VEPH1: variants seen among roughly 807,000 people sequenced by gnomAD.
VEPH1 encodes the protein ventricular zone expressed PH domain containing 1.
In VEPH1, 80 loss-of-function variants were observed where a neutral mutation model predicts 85.2. That is an observed-to-expected ratio of 0.94 (90% CI 0.78 to 1.13). VEPH1 has a LOEUF of 1.13. Among genes scored for constraint, VEPH1 ranks in the 50% most tolerant of loss-of-function variants. The probability of loss-of-function intolerance (pLI) is 0.00; values close to 1 mark genes in which losing one functional copy is unlikely to be tolerated. For missense variants in VEPH1, 955 were observed against 980.5 expected, an observed-to-expected ratio of 0.97 and a Z score of 0.35; for synonymous variants, 297 against 348.0, an observed-to-expected ratio of 0.85 and a Z score of 1.63.
chr3:157,496,515 G>A (rs1739678228), intron 1 of VEPH1, among the ~76,000 whole-genome samples: 1 of 152,208 alleles, frequency 6.6e-6, no homozygotes, highest in Non-Finnish European at 1.5e-5. Context: ...ATACATGTGG[G>A]TAGCTTACAA....
At chr3:157,299,681 T>G (rs1718562269) in intron 11 of VEPH1, among the ~76,000 whole-genome samples, 1 of 123,864 alleles carries the variant, frequency 8.1e-6, no homozygotes, top group Non-Finnish European at 1.9e-5. Context: ...TGATAGATGC[T>G]GGGACATGCA....
chr3:157,337,769 G>A (rs1428356341), intron 9 of VEPH1, among the ~76,000 whole-genome samples: 1 of 152,160 alleles, frequency 6.6e-6, no homozygotes, highest in Non-Finnish European at 1.5e-5. Flanking sequence ...TATTATTGCA[G>A]TGGGCTAGCC....
At chr3:157,428,279 T>C (rs778170135) in intron 5 of VEPH1, 43 bp downstream of exon 5, 1 of 1,602,754 alleles carries the variant, frequency 6.2e-7, no homozygotes, top group Non-Finnish European at 8.5e-7. Flanking sequence ...CAAAGAAACA[T>C]GCCTGGTTGT....
At chr3:157,379,206 G>A (rs1009308726) in intron 7 of VEPH1, among the ~76,000 whole-genome samples, 6 of 152,154 alleles carry the variant, frequency 3.9e-5, no homozygotes, top group Non-Finnish European at 8.8e-5. Context: ...ATCTGCCTCT[G>A]ACCTAACTTT....
chr3:157,442,286 T>C (rs1164783639), intron 4 of VEPH1: 4 of 1,264,104 alleles, frequency 3.2e-6, no homozygotes, highest in African/African-American at 3.0e-5. Flanking sequence ...AAAATTCTTA[T>C]GTTAAATAAC....
intron 7 of VEPH1, among the ~76,000 whole-genome samples, chr3:157,366,757 CAAA>C (rs928731426): frequency 6.6e-6 from 1 of 151,976 alleles, no homozygotes; most frequent in African/African-American, 2.4e-5. Context: ...ACAACAACAA[CAAA>C]AACAAACAAC....
At chr3:157,271,097 T>G (rs1577198639) in intron 12 of VEPH1, among the ~76,000 whole-genome samples, 1 of 152,082 alleles carries the variant, frequency 6.6e-6, no homozygotes, top group East Asian at 1.9e-4. Flanking sequence ...GTAAAGCAGG[T>G]GCTCTCGAAC....
At position 157,288,676 on chromosome 3, in the gene VEPH1, G is replaced by A. The variant is rs575196086; in HGVS notation, c.2011-2002C>T. ...ACTCCCTGGAACATAAACACAATGA[G>A]GACAGATATTTTGTCTGTTGTGTTG... is the stretch of plus-strand genomic sequence containing the variant. On this transcript the variant is annotated intron_variant, in intron 11 of 13. Transcript: ENST00000362010. Among the ~76,000 whole-genome samples the A allele has an allele frequency of 3.3e-5, 5 of 152,298 alleles. No homozygotes were observed. The East Asian group carries it at 9.6e-4, about 29-fold the overall frequency.
chr3:157,491,290 G>A (rs913935526), intron 2 of VEPH1, among the ~76,000 whole-genome samples: 3 of 152,102 alleles, frequency 2.0e-5, no homozygotes, highest in South Asian at 2.1e-4. Flanking sequence ...CGGGTGGATC[G>A]GTTGGGCATG....
chr3:157,342,227 T>A lies in VEPH1; in HGVS notation c.1735+21137A>T, dbSNP rs558202101. 8.8e-4 allele frequency among the ~76,000 whole-genome samples: 134 copies of A among 152,298 alleles called. 1 individual carries two copies. The highest frequency in any genetic ancestry group is 7.7e-4 in the East Asian group (4 of 5,186). On this transcript the variant is annotated intron_variant, in intron 9 of 13. Coordinates refer to ENST00000362010, the MANE Select transcript of VEPH1 (RefSeq NM_001167912.2). ...AATGTTCCAATTAAAAGACACAGACTGGCAAATTGGATAAAGAGTCAAGAC... is the reference window on the plus strand; with the variant it reads ...AATGTTCCAATTAAAAGACACAGACAGGCAAATTGGATAAAGAGTCAAGAC...
intron 9 of VEPH1, among the ~76,000 whole-genome samples, chr3:157,329,405 C>T (rs1242076120): frequency 6.6e-6 from 1 of 152,176 alleles, no homozygotes; most frequent in Non-Finnish European, 1.5e-5. Context: ...GCCATGGAAA[C>T]CAGAACATCT....
intron 7 of VEPH1, among the ~76,000 whole-genome samples, chr3:157,379,240 GAAC>G (rs1728486729): frequency 6.6e-6 from 1 of 152,056 alleles, no homozygotes; most frequent in South Asian, 2.1e-4. Context: ...CTGCCCTACT[GAAC>G]AAATTATCTT....
chr3:157,362,495 G>A (rs1424497605), intron 9 of VEPH1, among the ~76,000 whole-genome samples: 1 of 152,108 alleles, frequency 6.6e-6, no homozygotes, highest in African/African-American at 2.4e-5. Flanking sequence ...GACTATGGTT[G>A]TGCCCTTTTC....
At chr3:157,299,559 CAAAA>C (rs10535235) in intron 11 of VEPH1, among the ~76,000 whole-genome samples, 19 of 103,078 alleles carry the variant, frequency 1.8e-4, no homozygotes, top group East Asian at 2.8e-4. Flanking sequence ...GGCCCTGTCT[CAAAA>C]AAAAAAAAAA....
At chr3:157,477,822 C>T (rs1031273109) in intron 2 of VEPH1, among the ~76,000 whole-genome samples, 5 of 152,012 alleles carry the variant, frequency 3.3e-5, no homozygotes, top group Non-Finnish European at 5.9e-5. Context: ...ATGCTGGGCC[C>T]GAAGAATGGC....
chr3:157,429,444 G>T (rs1434193519), intron 4 of VEPH1, among the ~76,000 whole-genome samples: 3 of 152,090 alleles, frequency 2.0e-5, no homozygotes, highest in African/African-American at 7.2e-5. Flanking sequence ...AAGAAAGAAG[G>T]CCAGAATTTT....
chr3:157,272,441 T>TTTC, intron 12 of VEPH1, among the ~76,000 whole-genome samples: 2 of 140,160 alleles, frequency 1.4e-5, no homozygotes, highest in Admixed American at 1.5e-4. Flanking sequence ...CTTTCTTTCC[T>TTTC]TCTCTCTCTC....
chr3:157,413,748 T>C lies in VEPH1; in HGVS notation c.906+133A>G, dbSNP rs1380681977. ...TCCCAGAAATCCCAGGACAAATTTG[T>C]ATGTCAAAGAGAAATTGGAACTCCC... On this transcript the variant is annotated intron_variant, in intron 6 of 13. Transcript: ENST00000362010. 5.0e-6 allele frequency: 7 copies of C among 1,387,390 alleles called. No individual in the cohort carries two copies. The African/African-American group carries it at 8.7e-5, about 17-fold the overall frequency. 85.9% of individuals were successfully genotyped at this position (1,387,390 alleles called of 1,614,324 possible).
intron 11 of VEPH1, among the ~76,000 whole-genome samples, chr3:157,288,095 G>A (rs888775536): frequency 6.6e-6 from 1 of 152,170 alleles, no homozygotes; most frequent in Non-Finnish European, 1.5e-5. Context: ...TAGCTCTACT[G>A]TCCTCCTGAG....
Sources: gnomAD v4.1 joint callset for allele counts (sites outside exome capture counted in the v4.1 genomes callset) on GRCh38, gnomAD v4.1.1 for gene constraint, MANE v1.5 for transcripts, NCBI Gene and HGNC (gene_info 2026-07-23, HGNC 2026-07-21) for gene names.